Variants in SYNDIG1L observed in about 807,000 individuals in gnomAD.
The protein encoded by SYNDIG1L is synapse differentiation-inducing gene protein 1-like.
Under a neutral mutation model 20.1 loss-of-function variants are expected in SYNDIG1L, and 13 were observed. That is an observed-to-expected ratio of 0.65 (90% confidence interval 0.42 to 1.03). The LOEUF (loss-of-function observed/expected upper bound fraction) is 1.03. Ranked by LOEUF, SYNDIG1L falls within the 50% of genes least tolerant of loss-of-function variation. SYNDIG1L has a pLI of 0.00. For missense variants in SYNDIG1L, 294 were observed against 305.1 expected (o/e 0.96, Z 0.27); for synonymous variants, 128 against 129.3 (o/e 0.99, Z 0.07).
At chr14:74,438,337 C>T in the SYNDIG1L span, among the ~76,000 whole-genome samples, 2 of 152,186 alleles carry the variant, frequency 1.3e-5, no homozygotes, top group East Asian at 1.9e-4. Flanking sequence ...GAATTGTGAG[C>T]TCACAGCAGT....
chr14:74,451,614 T>TA, the SYNDIG1L span, among the ~76,000 whole-genome samples: 27 of 152,306 alleles, frequency 1.8e-4, no homozygotes, highest in African/African-American at 5.3e-4. Context: ...AAAGACATTT[T>TA]AAAGAGAACA....
At chr14:74,461,564 A>G in the SYNDIG1L span, among the ~76,000 whole-genome samples, 1 of 152,020 alleles carries the variant, frequency 6.6e-6, no homozygotes, top group African/African-American at 2.4e-5. Flanking sequence ...CGAAAACCTC[A>G]TTCAATTGAT....
At chr14:74,476,075 GA>G in the SYNDIG1L span, 1 of 213,904 alleles carries the variant, frequency 4.7e-6, no homozygotes, top group South Asian at 1.1e-4. Context: ...TTGCAAAACA[GA>G]AAAGAATCTT....
chr14:74,446,486 T>G, the SYNDIG1L span, among the ~76,000 whole-genome samples: 1 of 152,130 alleles, frequency 6.6e-6, no homozygotes, highest in Non-Finnish European at 1.5e-5. Context: ...ACAAATGGAC[T>G]ATACAAAATA....
chr14:74,422,382 C>G lies in SYNDIG1L; in HGVS notation c.-58+3530G>C, dbSNP rs557745808. On this transcript the variant is annotated intron_variant, in intron 1 of 3. Coordinates refer to ENST00000331628, the MANE Select transcript of SYNDIG1L (RefSeq NM_001105579.2). The stretch of plus-strand genomic sequence containing the variant: ...GCCCCATATGAGATGCCAGCTGAGT[C>G]CCGGAGAAGGGAAAGGGGTTGGAAA... 9.9e-4 allele frequency among the ~76,000 whole-genome samples: 151 copies of G among 152,188 alleles called. 1 individual carries two copies. Among genetic ancestry groups the G allele is most frequent in the African/African-American group, 3.6e-3 (148 of 41,510 alleles).
At chr14:74,428,651 G>T (rs12894033), upstream of SYNDIG1L, among the ~76,000 whole-genome samples, 62,346 of 151,884 alleles carry the variant, frequency 0.41, 12,944 homozygotes, top group Non-Finnish European at 0.44. Flanking sequence ...CCTGGAGAAG[G>T]TCTGAGTTTT....
the SYNDIG1L span, among the ~76,000 whole-genome samples, chr14:74,450,608 A>G: frequency 1.3e-5 from 2 of 152,160 alleles, no homozygotes. Context: ...TAGATGCAGA[A>G]AAAACATTTG....
upstream of SYNDIG1L, among the ~76,000 whole-genome samples, chr14:74,429,442 A>C (rs972868295): frequency 1.3e-5 from 2 of 152,246 alleles, no homozygotes; most frequent in African/African-American, 2.4e-5. Context: ...TCTTTTTACA[A>C]GGGGTTGATT....
intron 1 of SYNDIG1L, among the ~76,000 whole-genome samples, chr14:74,413,913 C>T (rs2086153787): frequency 6.6e-6 from 1 of 152,228 alleles, no homozygotes; most frequent in African/African-American, 2.4e-5. Context: ...CTCATACTCA[C>T]CCCATATCCT....
chr14:74,417,355 G>T lies in SYNDIG1L; in HGVS notation c.-57-7554C>A, dbSNP rs1368710252. On this transcript the variant is annotated intron_variant, in intron 1 of 3. Transcript: ENST00000331628. The stretch of plus-strand genomic sequence containing the variant: ...AGGAGGGTTGCTGTGTGCACTGCCT[G>T]GTGGGCTCTGACCTGATTGGGAGGA... Among the ~76,000 whole-genome samples, 4 of 152,214 alleles carry T rather than the reference G, an allele frequency of 2.6e-5. No homozygotes were observed. The East Asian group carries it at 7.7e-4, about 29-fold the overall frequency.
At chr14:74,416,362 A>T (rs1289443151) in intron 1 of SYNDIG1L, among the ~76,000 whole-genome samples, 1 of 152,184 alleles carries the variant, frequency 6.6e-6, no homozygotes, top group Non-Finnish European at 1.5e-5. Context: ...GAGGCTAGGC[A>T]TGGTGGCTCA....
the SYNDIG1L span, among the ~76,000 whole-genome samples, chr14:74,441,729 T>C: frequency 6.6e-6 from 1 of 152,098 alleles, no homozygotes; most frequent in African/African-American, 2.4e-5. Flanking sequence ...CTCAGACTGG[T>C]CTTGAACTTC....
chr14:74,407,493 C>G lies in SYNDIG1L; in HGVS notation c.*42G>C, dbSNP rs1312965838. On this transcript the variant is annotated 3_prime_UTR_variant, in exon 4 of 4. Coordinates refer to ENST00000331628, the MANE Select transcript of SYNDIG1L (RefSeq NM_001105579.2). ...CTGCAACTCCAAGCCCCACTGCTTCCTCAGGTGGGCAGGGGAGTCAGGATG... is the reference window on the plus strand; with the variant it reads ...CTGCAACTCCAAGCCCCACTGCTTCGTCAGGTGGGCAGGGGAGTCAGGATG... The G allele has an allele frequency of 6.8e-6, 11 of 1,610,954 alleles. No individual in the cohort carries two copies. The highest frequency in any genetic ancestry group is 7.6e-6 in the Non-Finnish European group (9 of 1,179,546).
chr14:74,441,028 A>G, the SYNDIG1L span, among the ~76,000 whole-genome samples: 1 of 152,230 alleles, frequency 6.6e-6, no homozygotes, highest in Non-Finnish European at 1.5e-5. Context: ...CTGTATAAAC[A>G]AGAAAAGATA....
the SYNDIG1L span, among the ~76,000 whole-genome samples, chr14:74,477,147 A>ACACACC: frequency 1.4e-5 from 2 of 138,704 alleles, no homozygotes; most frequent in African/African-American, 5.4e-5. Context: ...ACACACACAC[A>ACACACC]CCCTCGCCTG....
At chr14:74,459,921 C>T in the SYNDIG1L span, among the ~76,000 whole-genome samples, 1 of 152,182 alleles carries the variant, frequency 6.6e-6, no homozygotes, top group Non-Finnish European at 1.5e-5. Context: ...GGAAGTAGCC[C>T]CTTCTGCCAG....
At chr14:74,411,902 C>T (rs1183638535) in intron 1 of SYNDIG1L, among the ~76,000 whole-genome samples, 10 of 152,200 alleles carry the variant, frequency 6.6e-5, no homozygotes, top group Non-Finnish European at 1.5e-4. Context: ...GCCAGCTCCT[C>T]CCCCAGGGAG....
At chr14:74,467,741 G>C in the SYNDIG1L span, among the ~76,000 whole-genome samples, 1 of 152,216 alleles carries the variant, frequency 6.6e-6, no homozygotes, top group African/African-American at 2.4e-5. Flanking sequence ...TGGATTGAAA[G>C]GGGCTGATGG....
chr14:74,413,854 C>T (rs1205000124), intron 1 of SYNDIG1L, among the ~76,000 whole-genome samples: 1 of 152,138 alleles, frequency 6.6e-6, no homozygotes, highest in African/African-American at 2.4e-5. Flanking sequence ...GAGTTAGCAG[C>T]AGCTGCATCT....
Sources: gnomAD v4.1 joint callset for allele counts (sites outside exome capture counted in the v4.1 genomes callset) on GRCh38, gnomAD v4.1.1 for gene constraint, MANE v1.5 for transcripts, NCBI Gene and HGNC (gene_info 2026-07-23, HGNC 2026-07-21) for gene names.